The following SLC16A7 variants were observed in gnomAD, a reference collection of about 807,000 sequenced individuals.
SLC16A7 encodes solute carrier family 16 member 7, also known as monocarboxylate transporter 2.
SLC16A7 carries 33 observed loss-of-function variants against 34.9 expected under a neutral mutation model. That is an observed-to-expected ratio of 0.94 (90% CI 0.72 to 1.26). The LOEUF (loss-of-function observed/expected upper bound fraction) is 1.26, where lower values mean the gene tolerates loss of function less well. Ranked by LOEUF, SLC16A7 falls within the 50% of genes most tolerant of loss-of-function variation. SLC16A7 has a pLI of 0.00. For synonymous variants in SLC16A7, 201 were observed against 206.6 expected (o/e 0.97, Z 0.23); for missense variants, 573 against 578.1 (o/e 0.99, Z 0.09).
intron 1 of SLC16A7, among the ~76,000 whole-genome samples, chr12:59,614,522 A>T (rs1879346944): frequency 1.3e-5 from 2 of 152,144 alleles, no homozygotes. Flanking sequence ...TTATTTTGAA[A>T]AATTATATAT....
chr12:59,631,795 C>A (rs1196031363), intron 1 of SLC16A7, among the ~76,000 whole-genome samples: 1 of 151,846 alleles, frequency 6.6e-6, no homozygotes, highest in Admixed American at 6.6e-5. Context: ...TCTGTTCCTG[C>A]GTTAGTTTGA....
chr12:59,608,848 A>C (rs151313919), intron 1 of SLC16A7, among the ~76,000 whole-genome samples: 12 of 152,310 alleles, frequency 7.9e-5, no homozygotes, highest in African/African-American at 2.9e-4. Context: ...TTCCAAATAA[A>C]GGTGGGGAAG....
At chr12:59,611,455 G>GAC (rs1174053200) in intron 1 of SLC16A7, among the ~76,000 whole-genome samples, 15 of 152,136 alleles carry the variant, frequency 9.9e-5, no homozygotes, top group African/African-American at 3.6e-4. Context: ...ACATGTGGGG[G>GAC]ATTCTAGGAA....
At chr12:59,667,525 T>G in intron 2 of SLC16A7, among the ~76,000 whole-genome samples, 1 of 152,212 alleles carries the variant, frequency 6.6e-6, no homozygotes, top group Admixed American at 6.5e-5. Flanking sequence ...TTCCTCTGCC[T>G]TAGAGACCTG....
chr12:59,745,168 G>A (rs1464672215), intron 3 of SLC16A7, among the ~76,000 whole-genome samples: 1 of 152,124 alleles, frequency 6.6e-6, no homozygotes, highest in Non-Finnish European at 1.5e-5. Context: ...GGTGCCAGGA[G>A]CAATCAGACA....
intron 1 of SLC16A7, among the ~76,000 whole-genome samples, chr12:59,617,926 A>G (rs1337217051): frequency 6.6e-6 from 1 of 151,970 alleles, no homozygotes; most frequent in Non-Finnish European, 1.5e-5. Context: ...GTGCATTGCC[A>G]CATCATAGAG....
At chr12:59,674,589 T>C (rs1870152722) in intron 2 of SLC16A7, among the ~76,000 whole-genome samples, 1 of 152,158 alleles carries the variant, frequency 6.6e-6, no homozygotes, top group African/African-American at 2.4e-5. Flanking sequence ...CAATGTTATA[T>C]GTATAGGTAG....
intron 3 of SLC16A7, among the ~76,000 whole-genome samples, chr12:59,762,000 G>T (rs1045871494): frequency 6.6e-6 from 1 of 151,982 alleles, no homozygotes; most frequent in Non-Finnish European, 1.5e-5. Context: ...CTGTATTAAG[G>T]GGATTCCATC....
intron 3 of SLC16A7, among the ~76,000 whole-genome samples, chr12:59,713,918 A>G (rs575769179): frequency 1.3e-5 from 2 of 152,358 alleles, no homozygotes; most frequent in South Asian, 2.1e-4. Flanking sequence ...GACACAGGCT[A>G]TGCTTTCAGA....
chr12:59,639,502 G>T (rs976299719), intron 1 of SLC16A7, among the ~76,000 whole-genome samples: 1 of 152,108 alleles, frequency 6.6e-6, no homozygotes, highest in African/African-American at 2.4e-5. Context: ...TCCTGCCTCA[G>T]CTTCCCAAGT....
At chr12:59,746,869 C>G (rs1454858313) in intron 3 of SLC16A7, among the ~76,000 whole-genome samples, 6 of 152,180 alleles carry the variant, frequency 3.9e-5, no homozygotes, top group Non-Finnish European at 7.3e-5. Context: ...GGATCTCACT[C>G]TGTCATGCAG....
intron 1 of SLC16A7, among the ~76,000 whole-genome samples, chr12:59,624,738 T>TTGTG (rs34708782): frequency 0.021 from 3,122 of 145,330 alleles, 92 homozygotes; most frequent in African/African-American, 0.068. Flanking sequence ...GCATTGTTAG[T>TTGTG]TGTGTGTGTG....
intron 3 of SLC16A7, chr12:59,736,022 G>A (rs1877549011): frequency 3.2e-6 from 2 of 620,504 alleles, no homozygotes; most frequent in South Asian, 3.7e-5. Flanking sequence ...TTATTTTAAT[G>A]TATGGTTTTA....
chr12:59,736,737 A>G (rs188446311), intron 3 of SLC16A7, among the ~76,000 whole-genome samples: 1 of 152,258 alleles, frequency 6.6e-6, no homozygotes, highest in East Asian at 1.9e-4. Context: ...TTAGTTCTTC[A>G]TCTCTTTCTA....
chr12:59,768,028 C>T (rs545137832), intron 3 of SLC16A7: 2 of 374,494 alleles, frequency 5.3e-6, no homozygotes, highest in Non-Finnish European at 1.1e-5. Context: ...ACCAACATGG[C>T]CCATGTATAC....
In SLC16A7 at chr12:59,739,739, A is replaced by T. The variant is rs1352462903; in HGVS notation, c.218-31480A>T. 1.8e-4 allele frequency among the ~76,000 whole-genome samples: 28 copies of T among 152,240 alleles called. 1 individual carries two copies. In the East Asian group the frequency reaches 5.2e-3, roughly 28 times the overall value. ...TGACTTTTTAATGATTGCCATTCTA[A>T]CTGGTGTGAGATGGTATCTCATTGT... On this transcript the variant is annotated intron_variant, in intron 3 of 5. Coordinates refer to ENST00000547379, the MANE Select transcript of SLC16A7 (RefSeq NM_001270623.2).
Position 59,771,270 on chromosome 12 carries a change from T to A in SLC16A7, c.269T>A (p.Ile90Lys), listed in dbSNP as rs1882195657. The A allele has an allele frequency of 3.7e-6, 6 of 1,613,490 alleles. No homozygotes were observed. The highest frequency in any genetic ancestry group is 1.1e-5 in the South Asian group (1 of 91,050). ...VNKYGSRPVVIAGGLLCCLGM... is the reference protein window; with the variant it reads ...VNKYGSRPVVKAGGLLCCLGM... ...AAATACGGCAGCCGGCCGGTGGTGA[T>A]AGCAGGAGGCTTATTATGCTGTCTT... Residue 90 changes from isoleucine to lysine, a missense_variant, in exon 4 of 6, where the codon ATA becomes AAA. Coordinates refer to ENST00000547379, the MANE Select transcript of SLC16A7 (RefSeq NM_001270623.2).
chr12:59,713,608 G>C (rs1874519746), intron 3 of SLC16A7, among the ~76,000 whole-genome samples: 1 of 152,184 alleles, frequency 6.6e-6, no homozygotes, highest in South Asian at 2.1e-4. Context: ...GGTTAATCTA[G>C]ATGGCTCTCC....
At chr12:59,738,484 G>C (rs900295060) in intron 3 of SLC16A7, among the ~76,000 whole-genome samples, 3 of 152,120 alleles carry the variant, frequency 2.0e-5, no homozygotes, top group African/African-American at 7.2e-5. Flanking sequence ...TTTATTTTCT[G>C]CAACTGGTTA....
Sources: allele counts gnomAD v4.1 joint callset (sites outside exome capture counted in the v4.1 genomes callset), GRCh38; gene constraint gnomAD v4.1.1; transcripts MANE v1.5; gene names NCBI Gene and HGNC (gene_info 2026-07-23, HGNC 2026-07-21).